ANKS1B: variants seen among roughly 807,000 people sequenced by gnomAD.
ANKS1B encodes the protein ankyrin repeat and sterile alpha motif domain-containing protein 1B.
ANKS1B carries 36 observed loss-of-function variants against 148.3 expected under a neutral mutation model. The observed-to-expected ratio is 0.24, with a 90% CI of 0.19 to 0.32. ANKS1B has a LOEUF of 0.32. Among genes scored for constraint, ANKS1B ranks in the 10% least tolerant of loss-of-function variants. The pLI, the probability that ANKS1B is intolerant of heterozygous loss-of-function variation, is 1.00. For missense variants in ANKS1B, 1,157 were observed against 1,542.6 expected, an observed-to-expected ratio of 0.75 and a Z score of 4.19; for synonymous variants, 542 against 560.8, an observed-to-expected ratio of 0.97 and a Z score of 0.47.
At chr12:99,119,939 C>A (rs946840225) in intron 15 of ANKS1B, among the ~76,000 whole-genome samples, 2 of 152,104 alleles carry the variant, frequency 1.3e-5, no homozygotes, top group Non-Finnish European at 1.5e-5. Flanking sequence ...AATAAAGAAG[C>A]AAATACTTCT....
At chr12:99,632,730 T>G (rs181054436) in intron 9 of ANKS1B, among the ~76,000 whole-genome samples, 265 of 22,834 alleles carry the variant, frequency 0.012, 2 homozygotes, top group East Asian at 0.075. Flanking sequence ...TTTCTTTCTA[T>G]ATATATATAT....
intron 1 of ANKS1B, among the ~76,000 whole-genome samples, chr12:99,978,342 A>G (rs1325043460): frequency 6.6e-6 from 1 of 152,164 alleles, no homozygotes; most frequent in Non-Finnish European, 1.5e-5. Flanking sequence ...CAGTGTTTTG[A>G]AAAGGGAGCT....
At chr12:98,840,089 T>TTTGG (rs1264817992) in intron 17 of ANKS1B, among the ~76,000 whole-genome samples, 2 of 152,102 alleles carry the variant, frequency 1.3e-5, no homozygotes, top group Non-Finnish European at 2.9e-5. Flanking sequence ...GGACAACAAA[T>TTTGG]GAAGCAGGGG....
chr12:99,326,141 C>G lies in ANKS1B; in HGVS notation c.1756+73490G>C, dbSNP rs554638380. Among the ~76,000 whole-genome samples the G allele has an allele frequency of 3.7e-4, 56 of 152,074 alleles. 1 individual carries two copies. The South Asian group carries it at 0.011, about 31-fold the overall frequency. ...TCAATTACCTCCACCTGGTCTCTTC[C>G]AAGACACATGGGGATTATGGGGATT... is the stretch of plus-strand genomic sequence containing the variant. On this transcript the variant is annotated intron_variant, in intron 12 of 26. Transcript: ENST00000683438.
chr12:99,812,709 T>A (rs183160655), intron 2 of ANKS1B, among the ~76,000 whole-genome samples: 1,586 of 151,396 alleles, frequency 0.01, 17 homozygotes, highest in Non-Finnish European at 0.016. Context: ...ATTTTTTTTT[T>A]TAAAAAAAGA....
chr12:99,577,292 CAAATAAAT>C (rs71303566), intron 9 of ANKS1B, among the ~76,000 whole-genome samples: 2,290 of 144,726 alleles, frequency 0.016, 45 homozygotes, highest in East Asian at 0.083. Flanking sequence ...CTGTTCACAT[CAAATAAAT>C]AAATAAATAA....
At chr12:99,468,253 T>C (rs1221537074) in intron 10 of ANKS1B, among the ~76,000 whole-genome samples, 3 of 152,182 alleles carry the variant, frequency 2.0e-5, no homozygotes, top group African/African-American at 4.8e-5. Flanking sequence ...AAGCTGAAAC[T>C]GGATCTCTTC....
intron 12 of ANKS1B, among the ~76,000 whole-genome samples, chr12:99,383,291 G>A (rs537903646): frequency 6.6e-6 from 1 of 152,228 alleles, no homozygotes; most frequent in Non-Finnish European, 1.5e-5. Flanking sequence ...AAGCAGAAAA[G>A]AGCCACATTT....
rs183442118 is a variant in ANKS1B at position 99,932,677 on chromosome 12, T to A, written c.134+51427A>T. On this transcript the variant is annotated intron_variant, in intron 1 of 26. Transcript: ENST00000683438. ...GCTCCTTATATATTCTGGTTATTAA[T>A]CCCTTGTCAGATGGATAGTTTGCAA... Among the ~76,000 whole-genome samples the A allele has an allele frequency of 1.9e-3, 295 of 152,292 alleles. 1 individual carries two copies. The highest frequency in any genetic ancestry group is 6.8e-3 in the Middle Eastern group (2 of 294).
intron 17 of ANKS1B, among the ~76,000 whole-genome samples, chr12:98,923,675 C>T (rs1204383419): frequency 6.6e-6 from 1 of 152,160 alleles, no homozygotes; most frequent in African/African-American, 2.4e-5. Flanking sequence ...CACTTCATTG[C>T]TGCTTCCCAC....
chr12:99,126,007 G>A (rs183641850), intron 15 of ANKS1B, among the ~76,000 whole-genome samples: 29 of 152,046 alleles, frequency 1.9e-4, no homozygotes, highest in African/African-American at 6.8e-4. Context: ...CTACCTAAGA[G>A]ACTTAAGAAA....
intron 9 of ANKS1B, among the ~76,000 whole-genome samples, chr12:99,577,741 C>T (rs528867867): frequency 1.3e-5 from 2 of 151,928 alleles, no homozygotes; most frequent in South Asian, 4.2e-4. Context: ...AATAATAAAC[C>T]CTACCAACAG....
At chr12:99,197,154 G>A (rs1406904113) in intron 14 of ANKS1B, among the ~76,000 whole-genome samples, 1 of 152,126 alleles carries the variant, frequency 6.6e-6, no homozygotes, top group Middle Eastern at 3.2e-3. Flanking sequence ...TTGGTAGCCT[G>A]ATCAGAACTA....
At chr12:99,381,146 A>G (rs1437424192) in intron 12 of ANKS1B, among the ~76,000 whole-genome samples, 4 of 152,174 alleles carry the variant, frequency 2.6e-5, no homozygotes, top group African/African-American at 7.2e-5. Flanking sequence ...TGACTCCTTG[A>G]TTTCAGACTT....
intron 10 of ANKS1B, among the ~76,000 whole-genome samples, chr12:99,495,766 C>T (rs751898767): frequency 6.6e-6 from 1 of 152,140 alleles, no homozygotes; most frequent in South Asian, 2.1e-4. Context: ...TTGACACTAC[C>T]CACTTGCTCA....
At chr12:99,028,245 T>C (rs2099949922) in intron 17 of ANKS1B, among the ~76,000 whole-genome samples, 2 of 152,226 alleles carry the variant, frequency 1.3e-5, no homozygotes, top group Non-Finnish European at 2.9e-5. Context: ...CTATTCCTCC[T>C]GCAATTGTGC....
chr12:99,566,908 A>C (rs2097400743), intron 9 of ANKS1B, among the ~76,000 whole-genome samples: 1 of 152,210 alleles, frequency 6.6e-6, no homozygotes, highest in African/African-American at 2.4e-5. Context: ...GCCTTTGTCT[A>C]CTGTCTAATC....
chr12:99,780,148 C>T (rs140952644), intron 5 of ANKS1B, among the ~76,000 whole-genome samples, 176 bp from the exon 6 acceptor site: 5 of 152,108 alleles, frequency 3.3e-5, no homozygotes, highest in East Asian at 3.8e-4. Flanking sequence ...CACACACACA[C>T]TCACACAAGA....
chr12:99,642,027 C>T (rs1831001517), intron 9 of ANKS1B, among the ~76,000 whole-genome samples: 1 of 152,134 alleles, frequency 6.6e-6, no homozygotes, highest in African/African-American at 2.4e-5. Flanking sequence ...CTTATCACTG[C>T]ACTTGGAATG....
Sources: allele counts gnomAD v4.1 joint callset (sites outside exome capture counted in the v4.1 genomes callset), GRCh38; gene constraint gnomAD v4.1.1; transcripts MANE v1.5; gene names NCBI Gene and HGNC (gene_info 2026-07-23, HGNC 2026-07-21).